The following PIK3C2G variants were observed in gnomAD, a reference collection of about 807,000 sequenced individuals.
PIK3C2G encodes phosphatidylinositol 3-kinase C2 domain-containing subunit gamma.
PIK3C2G carries 168 observed loss-of-function variants against 181.1 expected under a neutral mutation model. The ratio of observed to expected loss-of-function variants is 0.93; its 90% CI spans 0.82 to 1.05. PIK3C2G has a LOEUF of 1.05. Ranked by LOEUF, PIK3C2G falls within the 50% of genes least tolerant of loss-of-function variation. The pLI, the probability that PIK3C2G is intolerant of heterozygous loss-of-function variation, is 0.00. For missense variants in PIK3C2G, 1,869 were observed against 1,732.8 expected, an observed-to-expected ratio of 1.08 and a Z score of -1.40; for synonymous variants, 573 against 592.2, an observed-to-expected ratio of 0.97 and a Z score of 0.47.
In PIK3C2G at chr12:18,346,834, C is replaced by T. The variant is rs528867794; in HGVS notation, c.1623C>T (p.His541=). Reference sequence around the variant, plus strand: ...ACAACATTCCAGAAACCTGGGTGCACAGGTGAGTGGTGGTGAGTTTTTCAC... The same window carrying T: ...ACAACATTCCAGAAACCTGGGTGCATAGGTGAGTGGTGGTGAGTTTTTCAC... ...AAHNIPETWV[H]SYKAFSFTCW... is the part of the protein sequence containing the mutation. Residue 541 remains histidine (H), a splice_region_variant and synonymous_variant, in exon 11 of 33, where the codon CAC becomes CAT. Transcript: ENST00000538779. 4.0e-5 allele frequency: 64 copies of T among 1,605,158 alleles called. No individual in the cohort carries two copies. In the Middle Eastern group the frequency reaches 4.9e-4, roughly 12 times the overall value.
intron 29 of PIK3C2G, among the ~76,000 whole-genome samples, chr12:18,582,643 G>A (rs1000500125): frequency 3.9e-5 from 6 of 152,136 alleles, no homozygotes; most frequent in African/African-American, 1.4e-4. Context: ...CTGGCAGGAT[G>A]AGACCCACTG....
intron 1 of PIK3C2G, among the ~76,000 whole-genome samples, chr12:18,271,797 T>TA (rs1555142055): frequency 6.6e-6 from 1 of 152,220 alleles, no homozygotes; most frequent in Non-Finnish European, 1.5e-5. Flanking sequence ...GACCCACATG[T>TA]AATAACTGCT....
chr12:18,560,259 C>T lies in PIK3C2G; in HGVS notation c.3591-2444C>T, dbSNP rs775074226. ...ATATAAAAATGAACAAGAAAAGTGA[C>T]CATGGTTGAAAGTCATATAGAATTA... On this transcript the variant is annotated intron_variant, in intron 26 of 32. Transcript: ENST00000538779. Among the ~76,000 whole-genome samples the T allele has an allele frequency of 9.0e-4, 137 of 151,680 alleles. 3 individuals are homozygous for T. Among genetic ancestry groups the T allele is most frequent in the Non-Finnish European group, 2.2e-4 (15 of 67,966 alleles).
intron 8 of PIK3C2G, among the ~76,000 whole-genome samples, chr12:18,336,009 GA>G (rs376083415): frequency 1.2e-4 from 18 of 151,440 alleles, no homozygotes; most frequent in Non-Finnish European, 1.8e-4. Context: ...ACAGATGAAT[GA>G]AAAAAAACAT....
chr12:18,590,191 G>A (rs1371439525), intron 29 of PIK3C2G, among the ~76,000 whole-genome samples: 1 of 148,726 alleles, frequency 6.7e-6, no homozygotes, highest in Non-Finnish European at 1.5e-5. Context: ...TCTTCATAAT[G>A]TGAGAATCTT....
intron 24 of PIK3C2G, among the ~76,000 whole-genome samples, chr12:18,514,905 G>A (rs1354084552): frequency 2.0e-5 from 3 of 151,722 alleles, no homozygotes; most frequent in African/African-American, 7.2e-5. Flanking sequence ...TTTATAATGA[G>A]TATTTTCCTT....
chr12:18,309,614 T>C (rs1001057944), intron 5 of PIK3C2G, among the ~76,000 whole-genome samples: 1 of 151,848 alleles, frequency 6.6e-6, no homozygotes, highest in Non-Finnish European at 1.5e-5. Flanking sequence ...TTCTATATTA[T>C]AGTATGCAGA....
chr12:18,497,861 C>A, intron 22 of PIK3C2G, 113 bp downstream of exon 22: 1 of 673,786 alleles, frequency 1.5e-6, no homozygotes, highest in Non-Finnish European at 2.3e-6. Context: ...TTTGAAAATC[C>A]AAAGAACTAT....
chr12:18,562,650 T>C, intron 26 of PIK3C2G, 53 bp from the exon 27 acceptor site: 2 of 1,044,124 alleles, frequency 1.9e-6, no homozygotes, highest in East Asian at 5.2e-5. Flanking sequence ...ATAAATGAAA[T>C]GAGTAGATGC....
At chr12:18,255,714 G>A (rs7975786) in intron 1 of PIK3C2G, among the ~76,000 whole-genome samples, 66,610 of 151,882 alleles carry the variant, frequency 0.44, 15,029 homozygotes, top group East Asian at 0.75. Flanking sequence ...GGCTTGAAAA[G>A]ATGGCCTTTG....
chr12:18,435,788 T>C (rs1315560392), intron 18 of PIK3C2G, among the ~76,000 whole-genome samples: 1 of 152,100 alleles, frequency 6.6e-6, no homozygotes, highest in Non-Finnish European at 1.5e-5. Context: ...TGTCTGTCTA[T>C]ATAGAATCCT....
At chr12:18,698,034 G>C in the PIK3C2G span, among the ~76,000 whole-genome samples, 181 of 151,340 alleles carry the variant, frequency 1.2e-3, no homozygotes, top group Admixed American at 2.1e-3. Flanking sequence ...ATTAATTTAT[G>C]CTGTGCCTAC....
At chr12:18,307,792 T>C (rs1366793586) in intron 5 of PIK3C2G, among the ~76,000 whole-genome samples, 1 of 151,890 alleles carries the variant, frequency 6.6e-6, no homozygotes, top group Non-Finnish European at 1.5e-5. Context: ...TTTCTCTACA[T>C]AGCACCATTT....
At chr12:18,375,320 A>G (rs1942359726) in intron 13 of PIK3C2G, among the ~76,000 whole-genome samples, 1 of 152,232 alleles carries the variant, frequency 6.6e-6, no homozygotes, top group African/African-American at 2.4e-5. Flanking sequence ...GCCTTAGCAA[A>G]GAATTTGGTT....
intron 5 of PIK3C2G, among the ~76,000 whole-genome samples, chr12:18,308,070 T>G (rs1950492505): frequency 6.6e-6 from 1 of 151,894 alleles, no homozygotes. Flanking sequence ...TTGCAAGTGA[T>G]TAGTAGCTGC....
At chr12:18,360,927 T>C (rs567692427) in intron 11 of PIK3C2G, among the ~76,000 whole-genome samples, 1 of 152,138 alleles carries the variant, frequency 6.6e-6, no homozygotes, top group African/African-American at 2.4e-5. Flanking sequence ...ATTTAGGAAG[T>C]TTTTCACCAT....
At chr12:18,527,350 G>A (rs1399366704) in intron 24 of PIK3C2G, among the ~76,000 whole-genome samples, 1 of 152,078 alleles carries the variant, frequency 6.6e-6, no homozygotes, top group Non-Finnish European at 1.5e-5. Flanking sequence ...TCTGTTGCTG[G>A]GGGAAACAAC....
At chr12:18,274,203 T>C (rs1180769002) in intron 1 of PIK3C2G, among the ~76,000 whole-genome samples, 2 of 152,176 alleles carry the variant, frequency 1.3e-5, no homozygotes, top group Non-Finnish European at 2.9e-5. Flanking sequence ...ACACTGTTGG[T>C]GGGACTGTAA....
chr12:18,694,107 C>G, the PIK3C2G span: 4 of 1,006,590 alleles, frequency 4.0e-6, no homozygotes, highest in Admixed American at 2.0e-5. Context: ...TAGTGAACTA[C>G]GGCTGCCATC....
Sources: gnomAD v4.1 joint callset for allele counts (sites outside exome capture counted in the v4.1 genomes callset) on GRCh38, gnomAD v4.1.1 for gene constraint, MANE v1.5 for transcripts, NCBI Gene and HGNC (gene_info 2026-07-23, HGNC 2026-07-21) for gene names.